Variants in KCNH7 observed in about 807,000 individuals in gnomAD.
KCNH7 encodes the protein voltage-gated inwardly rectifying potassium channel KCNH7.
A neutral mutation model predicts 120.8 loss-of-function variants in KCNH7; 49 were observed. The observed-to-expected ratio is 0.41, with a 90% CI of 0.32 to 0.51. The LOEUF (loss-of-function observed/expected upper bound fraction) is 0.51, where lower values mean the gene tolerates loss of function less well. Ranked by LOEUF, KCNH7 falls within the 20% of genes least tolerant of loss-of-function variation. The pLI, the probability that KCNH7 is intolerant of heterozygous loss-of-function variation, is 0.38. For missense variants in KCNH7, 1,097 were observed against 1,446.6 expected, an observed-to-expected ratio of 0.76 and a Z score of 3.92; for synonymous variants, 547 against 516.1, an observed-to-expected ratio of 1.06 and a Z score of -0.81.
chr2:162,513,385 C>T (rs1558987634), intron 4 of KCNH7, among the ~76,000 whole-genome samples: 1 of 121,514 alleles, frequency 8.2e-6, no homozygotes, highest in African/African-American at 2.9e-5. Flanking sequence ...TTCCTTCCTT[C>T]TCTCCTTCCC....
rs761320185 is a variant in KCNH7, at chr2:162,536,994, C to T, written c.394G>A (p.Val132Met). The T allele has an allele frequency of 6.5e-5, 105 of 1,612,662 alleles. No homozygotes were observed. Among genetic ancestry groups the T allele is most frequent in the Non-Finnish European group, 8.2e-5 (97 of 1,179,130 alleles). ...AMMFIINFEY[V>M]TDNENAATPE... ...GTGGCAGCGTTTTCATTATCCGTCA[C>T]ATATTCAAAATTAATGATGAACATC... Residue 132 changes from valine (V) to methionine (M), a missense_variant, in exon 3 of 16, where the codon GTG becomes ATG. Transcript: ENST00000332142.
At chr2:162,720,119 T>C (rs1186315235) in intron 2 of KCNH7, among the ~76,000 whole-genome samples, 1 of 151,924 alleles carries the variant, frequency 6.6e-6, no homozygotes, top group African/African-American at 2.4e-5. Flanking sequence ...TCCAACTGGA[T>C]TTGCATCTCT....
At chr2:162,568,731 C>A (rs926488431) in intron 2 of KCNH7, among the ~76,000 whole-genome samples, 2 of 151,856 alleles carry the variant, frequency 1.3e-5, no homozygotes, top group African/African-American at 4.8e-5. Context: ...AGAAAGAAGT[C>A]TAGCTAGAGG....
intron 2 of KCNH7, among the ~76,000 whole-genome samples, chr2:162,818,312 T>C (rs1299428625): frequency 6.6e-6 from 1 of 152,070 alleles, no homozygotes; most frequent in Non-Finnish European, 1.5e-5. Context: ...TCAATATTTA[T>C]TTATTCTCAT....
At chr2:162,449,672 A>T (rs1438950196) in intron 6 of KCNH7, among the ~76,000 whole-genome samples, 2 of 152,054 alleles carry the variant, frequency 1.3e-5, no homozygotes, top group Non-Finnish European at 2.9e-5. Context: ...GATTGTCCAC[A>T]GCCACCAGAA....
chr2:162,471,918 C>T (rs1266937348), intron 6 of KCNH7, among the ~76,000 whole-genome samples: 13 of 152,248 alleles, frequency 8.5e-5, no homozygotes, highest in African/African-American at 3.1e-4. Flanking sequence ...GAACAGAGCC[C>T]TCAGAAATAA....
intron 2 of KCNH7, among the ~76,000 whole-genome samples, chr2:162,634,133 C>T (rs1009452143): frequency 1.3e-5 from 2 of 152,026 alleles, no homozygotes; most frequent in Non-Finnish European, 2.9e-5. Context: ...TGTTACTCAT[C>T]GCTGTGTACT....
intron 2 of KCNH7, among the ~76,000 whole-genome samples, chr2:162,605,989 T>C (rs922632495): frequency 6.6e-6 from 1 of 152,132 alleles, no homozygotes; most frequent in African/African-American, 2.4e-5. Context: ...TTTTGTATTT[T>C]TATGTTAGTA....
chr2:162,380,108 A>G, intron 13 of KCNH7, 87 bp from the exon 14 acceptor site: 3 of 1,481,178 alleles, frequency 2.0e-6, no homozygotes, highest in Non-Finnish European at 2.8e-6. Context: ...CAAGCTGGAA[A>G]GGATCGGAGT....
At chr2:162,652,979 T>G (rs1684620749) in intron 2 of KCNH7, among the ~76,000 whole-genome samples, 1 of 152,198 alleles carries the variant, frequency 6.6e-6, no homozygotes, top group African/African-American at 2.4e-5. Context: ...CGGTAAGGCC[T>G]TACTTTATGC....
chr2:162,570,281 G>T (rs1693419501), intron 2 of KCNH7, among the ~76,000 whole-genome samples: 1 of 151,246 alleles, frequency 6.6e-6, no homozygotes, highest in South Asian at 2.1e-4. Flanking sequence ...TTACCATTAT[G>T]TAATGGCCTT....
chr2:162,511,428 C>T (rs1254794344), intron 5 of KCNH7, among the ~76,000 whole-genome samples: 1 of 147,962 alleles, frequency 6.8e-6, no homozygotes. Flanking sequence ...TGCAAACCAC[C>T]ACACACAGTT....
chr2:162,446,473 C>T (rs1173349688), intron 6 of KCNH7, 30 bp from the exon 7 acceptor site: 17 of 1,503,754 alleles, frequency 1.1e-5, no homozygotes, highest in Non-Finnish European at 1.4e-5. Context: ...TCATACACTA[C>T]ATAAATATGC....
intron 6 of KCNH7, among the ~76,000 whole-genome samples, chr2:162,449,392 A>G (rs1019222755): frequency 1.3e-5 from 2 of 152,074 alleles, no homozygotes; most frequent in Non-Finnish European, 2.9e-5. Context: ...TATAACTCTT[A>G]ATATGACTTG....
In KCNH7 at chr2:162,396,794, A is replaced by C. The variant is rs900366389; in HGVS notation, c.2559T>G (p.Asp853Glu). ...TCAACTCTAGGTTTGTTAGAAAGTG[A>C]TCAGAAAACTCAGGATACATATCCA... ...EVLDMYPEFS[D>E]HFLTNLELTF... Residue 853 changes from aspartate to glutamate, a missense_variant, in exon 11 of 16, where the codon GAT becomes GAG. Physicochemically the swap from Asp to Glu is conservative, Grantham distance 45. Transcript: ENST00000332142. The C allele has an allele frequency of 2.6e-5, 42 of 1,611,706 alleles. No individual in the cohort carries two copies. The highest frequency in any genetic ancestry group is 3.4e-5 in the Non-Finnish European group (40 of 1,178,746).
At chr2:162,428,667 A>G (rs1162420228) in intron 8 of KCNH7, among the ~76,000 whole-genome samples, 2 of 151,908 alleles carry the variant, frequency 1.3e-5, no homozygotes, top group African/African-American at 2.4e-5. Context: ...TGAATTTGTC[A>G]ATTTCTCCTT....
chr2:162,794,645 G>A lies in KCNH7; in HGVS notation c.307+41892C>T, dbSNP rs541433924. On this transcript the variant is annotated intron_variant, in intron 2 of 15. Transcript: ENST00000332142. ...TTATACTCTAAAACCTATTCCTATTGCTCATATAGTAAAAGAAAGTCTCAG... is the reference window on the plus strand; with the variant it reads ...TTATACTCTAAAACCTATTCCTATTACTCATATAGTAAAAGAAAGTCTCAG... Among the ~76,000 whole-genome samples, 4 of 151,910 alleles carry A rather than the reference G, an allele frequency of 2.6e-5. No individual in the cohort carries two copies. In the East Asian group the frequency reaches 7.7e-4, roughly 29 times the overall value.
In KCNH7 at chr2:162,447,027, G is replaced by A. The variant is rs117830484; in HGVS notation, c.1129-584C>T. On this transcript the variant is annotated intron_variant, in intron 6 of 15. Coordinates refer to ENST00000332142, the MANE Select transcript of KCNH7 (RefSeq NM_033272.4). The stretch of plus-strand genomic sequence containing the variant: ...TGAGATTAAAATGAACACAAAAGAG[G>A]CTTTTCCTTAAAAGGTTGAGAGAGT... Among the ~76,000 whole-genome samples the A allele has an allele frequency of 1.2e-4, 19 of 152,122 alleles. No homozygotes were observed. The East Asian group carries it at 3.7e-3, about 29-fold the overall frequency.
chr2:162,658,707 C>T (rs934143645), intron 2 of KCNH7, among the ~76,000 whole-genome samples: 6 of 152,044 alleles, frequency 3.9e-5, no homozygotes, highest in African/African-American at 1.4e-4. Context: ...AGATTTATAA[C>T]TAAGCATTTC....
Sources: gnomAD v4.1 joint callset for allele counts (sites outside exome capture counted in the v4.1 genomes callset) on GRCh38, gnomAD v4.1.1 for gene constraint, MANE v1.5 for transcripts, NCBI Gene and HGNC (gene_info 2026-07-23, HGNC 2026-07-21) for gene names.